CRACD: variants seen among roughly 807,000 people sequenced by gnomAD.
CRACD encodes capping protein-inhibiting regulator of actin dynamics.
Under a neutral mutation model 106.8 loss-of-function variants are expected in CRACD, and 56 were observed. That is an observed-to-expected ratio of 0.52 (90% CI 0.42 to 0.66). CRACD has a LOEUF of 0.66. Ranked by LOEUF, CRACD falls within the 30% of genes least tolerant of loss-of-function variation. The pLI, the probability that CRACD is intolerant of heterozygous loss-of-function variation, is 0.00. For missense variants in CRACD, 1,730 were observed against 1,623.2 expected, an observed-to-expected ratio of 1.07 and a Z score of -1.13; for synonymous variants, 754 against 670.8, an observed-to-expected ratio of 1.12 and a Z score of -1.92.
intron 2 of CRACD, among the ~76,000 whole-genome samples, chr4:56,217,086 C>G (rs1338248741): frequency 6.6e-6 from 1 of 151,602 alleles, no homozygotes; most frequent in Admixed American, 6.6e-5. Flanking sequence ...TCAGAGGGGT[C>G]CCTCTGTAAA....
At chr4:56,297,104 T>C (rs1232937757) in intron 3 of CRACD, among the ~76,000 whole-genome samples, 2 of 152,014 alleles carry the variant, frequency 1.3e-5, no homozygotes, top group Non-Finnish European at 2.9e-5. Context: ...GTTTTTGTTT[T>C]TGTTTTTTTG....
chr4:56,125,943 T>A (rs1392080412), intron 1 of CRACD, among the ~76,000 whole-genome samples: 5 of 151,884 alleles, frequency 3.3e-5, no homozygotes. Flanking sequence ...GGCTGATTTT[T>A]GTATTTTTAG....
chr4:56,142,629 C>G (rs142302761), intron 1 of CRACD, among the ~76,000 whole-genome samples: 175 of 152,240 alleles, frequency 1.1e-3, no homozygotes, highest in African/African-American at 4.1e-3. Flanking sequence ...AAAGTCACTT[C>G]TTTCAGCTAT....
rs147811211 is a variant in CRACD, at chr4:56,148,112, A to T, written c.-335-31172A>T. On this transcript the variant is annotated intron_variant, in intron 1 of 10. Transcript: ENST00000682029. ...AAAAACCAAACCTGCCAACACCTTG[A>T]TCATGAACTTCCATCTCCCAAACTG... Among the ~76,000 whole-genome samples, 1,047 of 152,250 alleles carry T rather than the reference A, an allele frequency of 6.9e-3. 7 individuals are homozygous for T. The highest frequency in any genetic ancestry group is 0.014 in the Middle Eastern group (4 of 294).
In CRACD at chr4:56,309,092, A is replaced by C. The variant is rs1327904068; in HGVS notation, c.285+1393A>C. On this transcript the variant is annotated intron_variant, in intron 5 of 10. Coordinates refer to ENST00000682029, the MANE Select transcript of CRACD (RefSeq NM_001393381.1). ...AAAAATGCTGGCTGCACAGAAAATAAAACAGGGTAATGGAAAAGTGAGTAA... is the reference window on the plus strand; with the variant it reads ...AAAAATGCTGGCTGCACAGAAAATACAACAGGGTAATGGAAAAGTGAGTAA... 1.1e-5 allele frequency: 5 copies of C among 441,096 alleles called. No individual in the cohort carries two copies. In the East Asian group the frequency reaches 2.8e-4, roughly 25 times the overall value. The allele number at this position is 441,096 out of a possible 1,614,324, so 27.3% of individuals were successfully genotyped here.
rs533175082 is a variant in CRACD at position 56,213,413 on chromosome 4, T to C, written c.-189+33983T>C. Among the ~76,000 whole-genome samples, 4 of 152,120 alleles carry C rather than the reference T, an allele frequency of 2.6e-5. No individual in the cohort carries two copies. The South Asian group carries it at 8.3e-4, about 32-fold the overall frequency. ...GTGAGCCAAGATCACGCCATTGCAC[T>C]CCAGCCTGGGCAACAAGAGTGAAAC... On this transcript the variant is annotated intron_variant, in intron 2 of 10. Coordinates refer to ENST00000682029, the MANE Select transcript of CRACD (RefSeq NM_001393381.1).
intron 3 of CRACD, among the ~76,000 whole-genome samples, chr4:56,281,316 G>A (rs1356938015): frequency 6.6e-6 from 1 of 152,150 alleles, no homozygotes; most frequent in African/African-American, 2.4e-5. Flanking sequence ...ATAATCTGAG[G>A]TGGAACAGTT....
chr4:56,141,993 C>T (rs1390439871), intron 1 of CRACD, among the ~76,000 whole-genome samples: 1 of 151,984 alleles, frequency 6.6e-6, no homozygotes, highest in Non-Finnish European at 1.5e-5. Flanking sequence ...TGCACCCAAC[C>T]GAATTTGCTT....
chr4:56,101,361 A>G (rs770702070), intron 1 of CRACD, among the ~76,000 whole-genome samples: 1 of 152,098 alleles, frequency 6.6e-6, no homozygotes, highest in African/African-American at 2.4e-5. Context: ...TTAAAATATT[A>G]TAAATTAAGC....
intron 6 of CRACD, among the ~76,000 whole-genome samples, chr4:56,311,926 G>T (rs149503390): frequency 2.0e-5 from 3 of 152,090 alleles, no homozygotes; most frequent in African/African-American, 4.8e-5. Flanking sequence ...CTGTGGGTTC[G>T]GGCTGTGTCA....
At chr4:56,289,734 A>G (rs925130970) in intron 3 of CRACD, among the ~76,000 whole-genome samples, 2 of 151,732 alleles carry the variant, frequency 1.3e-5, no homozygotes, top group African/African-American at 4.8e-5. Context: ...CCTCTTTTGT[A>G]TAACATTTGC....
At chr4:56,060,351 AG>A (rs11343626) in intron 1 of CRACD, among the ~76,000 whole-genome samples, 55,643 of 151,852 alleles carry the variant, frequency 0.37, 11,727 homozygotes, top group African/African-American at 0.59. Context: ...CAATGGACAA[AG>A]GTGCTGTGAG....
At chr4:56,206,810 T>A (rs1384710560) in intron 2 of CRACD, among the ~76,000 whole-genome samples, 7 of 152,200 alleles carry the variant, frequency 4.6e-5, no homozygotes, top group Non-Finnish European at 7.3e-5. Flanking sequence ...GCCACTCTCA[T>A]GTATCATCAT....
At chr4:56,053,956 A>G (rs568198651) in intron 1 of CRACD, among the ~76,000 whole-genome samples, 24 of 152,272 alleles carry the variant, frequency 1.6e-4, no homozygotes, top group African/African-American at 5.5e-4. Context: ...CTGGCCCTCA[A>G]AATATACTTT....
intron 1 of CRACD, among the ~76,000 whole-genome samples, chr4:56,095,474 G>T (rs1338094780): frequency 6.6e-6 from 1 of 152,150 alleles, no homozygotes; most frequent in East Asian, 1.9e-4. Flanking sequence ...TCATTCAGAA[G>T]GTAACATCTG....
intron 2 of CRACD, among the ~76,000 whole-genome samples, chr4:56,232,852 G>A (rs966823377): frequency 1.3e-5 from 2 of 151,892 alleles, no homozygotes; most frequent in African/African-American, 2.4e-5. Flanking sequence ...AGCCTCCCAA[G>A]TAGTTGGGAT....
intron 1 of CRACD, among the ~76,000 whole-genome samples, chr4:56,164,235 C>G (rs902419800): frequency 6.6e-6 from 1 of 151,462 alleles, no homozygotes; most frequent in Non-Finnish European, 1.5e-5. Context: ...CCCAGGTTCA[C>G]GCCATTGTCC....
chr4:56,176,760 G>GT (rs1328738389), intron 1 of CRACD, among the ~76,000 whole-genome samples: 2 of 152,042 alleles, frequency 1.3e-5, no homozygotes, highest in African/African-American at 2.4e-5. Flanking sequence ...GTGTTTTATA[G>GT]TTTTCATTGT....
At position 56,256,062 on chromosome 4, in the gene CRACD, A is replaced by C. The variant is rs184084082; in HGVS notation, c.-188-16259A>C. Among the ~76,000 whole-genome samples, 5 of 152,274 alleles carry C rather than the reference A, an allele frequency of 3.3e-5. No homozygotes were observed. The East Asian group carries it at 9.7e-4, about 29-fold the overall frequency. ...GGTGATTCACAGCTCACACACTTAG[A>C]ATTTTGGAGCAAAACTCTGCCATCC... On this transcript the variant is annotated intron_variant, in intron 2 of 10. Transcript: ENST00000682029.
Sources: allele counts gnomAD v4.1 joint callset (sites outside exome capture counted in the v4.1 genomes callset), GRCh38; gene constraint gnomAD v4.1.1; transcripts MANE v1.5; gene names NCBI Gene and HGNC (gene_info 2026-07-23, HGNC 2026-07-21).